The following KANK1 variants were observed in gnomAD, a reference collection of about 807,000 sequenced individuals.
The protein encoded by KANK1 is KN motif and ankyrin repeat domain-containing protein 1.
KANK1 carries 109 observed loss-of-function variants against 106.2 expected under a neutral mutation model. The ratio of observed to expected loss-of-function variants is 1.03; its 90% confidence interval spans 0.88 to 1.20. KANK1 has a LOEUF of 1.20. Among genes scored for constraint, KANK1 ranks in the 50% most tolerant of loss-of-function variants. The pLI is 0.00. For synonymous variants in KANK1, 873 were observed against 652.2 expected (o/e 1.34, Z -5.16); for missense variants, 2,399 against 1,710.7 (o/e 1.40, Z -7.10).
At chr9:504,462 C>T (rs534749845), upstream of KANK1, among the ~76,000 whole-genome samples, 31 of 151,796 alleles carry the variant, frequency 2.0e-4, no homozygotes, top group South Asian at 6.0e-3. Flanking sequence ...AAGAGCGCCC[C>T]CGCGGGGAGC....
At chr9:539,133 G>A (rs1001820739) in intron 1 of KANK1, among the ~76,000 whole-genome samples, 3 of 151,984 alleles carry the variant, frequency 2.0e-5, no homozygotes, top group Admixed American at 1.3e-4. Context: ...CACCTGCCTC[G>A]GCCTCCCTAA....
intron 1 of KANK1, among the ~76,000 whole-genome samples, chr9:518,340 C>T (rs761514609): frequency 5.9e-5 from 9 of 151,692 alleles, no homozygotes; most frequent in South Asian, 2.1e-4. Flanking sequence ...ATTTAAGCTC[C>T]GCTCCCAGGC....
At chr9:693,580 C>G (rs1289646836) in intron 2 of KANK1, 3 of 985,284 alleles carry the variant, frequency 3.0e-6, no homozygotes, top group Non-Finnish European at 3.6e-6. Flanking sequence ...TGCTGTCTCA[C>G]TGACGCCAAG....
chr9:573,451 T>C (rs1221944414), intron 1 of KANK1, among the ~76,000 whole-genome samples: 1 of 152,048 alleles, frequency 6.6e-6, no homozygotes, highest in Non-Finnish European at 1.5e-5. Context: ...TTTGTATTTT[T>C]AGTAGAAATA....
intron 3 of KANK1, among the ~76,000 whole-genome samples, chr9:727,145 A>T (rs10976098): frequency 6.6e-6 from 1 of 152,098 alleles, no homozygotes; most frequent in Admixed American, 6.5e-5. Flanking sequence ...TCTTACAAGC[A>T]GACTGTCTGC....
intron 1 of KANK1, among the ~76,000 whole-genome samples, chr9:617,490 G>A (rs1832122499): frequency 6.6e-6 from 1 of 152,170 alleles, no homozygotes; most frequent in Non-Finnish European, 1.5e-5. Context: ...TCTGGCCAAA[G>A]AGGTTCAGGA....
intron 2 of KANK1, among the ~76,000 whole-genome samples, chr9:709,387 C>G (rs1320409951): frequency 6.6e-6 from 1 of 152,188 alleles, no homozygotes; most frequent in African/African-American, 2.4e-5. Context: ...TGCCCTTGAC[C>G]TCCATTTAGA....
At chr9:668,350 C>CTCTG (rs1845137408) in intron 1 of KANK1, among the ~76,000 whole-genome samples, 2 of 151,792 alleles carry the variant, frequency 1.3e-5, no homozygotes, top group Admixed American at 6.6e-5. Flanking sequence ...GTATTATAAT[C>CTCTG]TCTCTCTCTC....
At chr9:627,950 C>CAAA (rs57957168) in intron 1 of KANK1, among the ~76,000 whole-genome samples, 55 of 147,224 alleles carry the variant, frequency 3.7e-4, no homozygotes, top group African/African-American at 1.3e-3. Flanking sequence ...AAAATTACAA[C>CAAA]AAAAAAAAAA....
rs71314711 is a variant in KANK1 at position 508,121 on chromosome 9, CTTTTTTTTTTTTTTTTTT to C, written c.-84+3384_-84+3401del. On this transcript the variant is annotated intron_variant, in intron 1 of 11. Transcript: ENST00000382297. The stretch of plus-strand genomic sequence containing the variant: ...ACAGGTGTGAGACACCCTGCTCAGC[CTTTTTTTTTTTTTTTTTT>C]TTTTTTTTTTTTTTTTGAGATGGAG... 5.9e-3 allele frequency among the ~76,000 whole-genome samples: 233 copies of C among 39,240 alleles called. 3 individuals carry two copies. Among genetic ancestry groups the C allele is most frequent in the Non-Finnish European group, 0.01 (184 of 18,350 alleles). 25.7% of individuals were successfully genotyped at this position (39,240 alleles called of 152,430 possible).
intron 1 of KANK1, among the ~76,000 whole-genome samples, chr9:652,270 C>T (rs1177345191): frequency 8.5e-5 from 13 of 152,090 alleles, no homozygotes; most frequent in African/African-American, 3.1e-4. Context: ...CCTGTAATCC[C>T]AGCACTTTGG....
chr9:625,173 G>A (rs1036901046), intron 1 of KANK1, among the ~76,000 whole-genome samples: 1 of 152,162 alleles, frequency 6.6e-6, no homozygotes, highest in Admixed American at 6.5e-5. Context: ...AGCTCTAAGA[G>A]CCAGATTTCC....
chr9:668,840 A>ACC (rs1845261082), intron 1 of KANK1, among the ~76,000 whole-genome samples: 2 of 152,156 alleles, frequency 1.3e-5, no homozygotes, highest in African/African-American at 4.8e-5. Flanking sequence ...ACCTCAGATC[A>ACC]TCAGGCATTA....
intron 1 of KANK1, among the ~76,000 whole-genome samples, chr9:553,753 C>G (rs1247877882): frequency 2.0e-5 from 3 of 152,026 alleles, no homozygotes; most frequent in Non-Finnish European, 4.4e-5. Context: ...TCAAAGCTTC[C>G]CTCTATACGA....
intron 1 of KANK1, among the ~76,000 whole-genome samples, chr9:518,923 T>C (rs556972716): frequency 6.6e-6 from 1 of 151,230 alleles, no homozygotes; most frequent in Admixed American, 6.6e-5. Flanking sequence ...AGAGTTTCGC[T>C]CTTGTTGCCC....
At position 712,915 on chromosome 9, in the gene KANK1, G is replaced by C. The variant is rs779123324; in HGVS notation, c.2149G>C (p.Val717Leu). ...TSTQTVETRTVAVGEGRVKDI... is the reference protein window; with the variant it reads ...TSTQTVETRTLAVGEGRVKDI... ...CACCCAGACTGTGGAGACGCGGACA[G>C]TAGCTGTAGGAGAAGGCCGTGTCAA... Residue 717 changes from valine to leucine, a missense_variant, in exon 3 of 12, where the codon GTA (valine) becomes CTA (leucine). Transcript: ENST00000382297. The C allele has an allele frequency of 1.9e-6, 3 of 1,614,160 alleles. No homozygotes were observed. Among genetic ancestry groups the C allele is most frequent in the Non-Finnish European group, 2.5e-6 (3 of 1,180,030 alleles).
At chr9:664,514 C>G (rs1476506279) in intron 1 of KANK1, among the ~76,000 whole-genome samples, 1 of 152,114 alleles carries the variant, frequency 6.6e-6, no homozygotes, top group Non-Finnish European at 1.5e-5. Flanking sequence ...CCAGGCTGGT[C>G]TCAAACTCCT....
At chr9:734,727 A>G (rs1833298222) in intron 6 of KANK1, 21 bp from the exon 7 acceptor site, 1 of 1,527,372 alleles carries the variant, frequency 6.5e-7, no homozygotes, top group African/African-American at 1.4e-5. Flanking sequence ...ACCAATCGTA[A>G]CTTGTTTTTT....
chr9:517,960 A>G (rs1375846320), intron 1 of KANK1, among the ~76,000 whole-genome samples: 2 of 149,832 alleles, frequency 1.3e-5, no homozygotes, highest in Non-Finnish European at 3.0e-5. Flanking sequence ...CTGGTCTTGA[A>G]CTCCTGACCT....
Sources: gnomAD v4.1 joint callset for allele counts (sites outside exome capture counted in the v4.1 genomes callset) on GRCh38, gnomAD v4.1.1 for gene constraint, MANE v1.5 for transcripts, NCBI Gene and HGNC (gene_info 2026-07-23, HGNC 2026-07-21) for gene names.